ACBD6: variants seen among roughly 807,000 people sequenced by gnomAD.
ACBD6 encodes the protein acyl-CoA binding domain containing 6.
A neutral mutation model predicts 37.2 loss-of-function variants in ACBD6; 28 were observed. The observed-to-expected ratio is 0.75, with a 90% CI of 0.56 to 1.03. The LOEUF (loss-of-function observed/expected upper bound fraction) is 1.03. Ranked by LOEUF, ACBD6 falls within the 50% of genes least tolerant of loss-of-function variation. ACBD6 has a pLI of 0.00. For missense variants in ACBD6, 340 were observed against 337.4 expected (o/e 1.01, Z -0.06); for synonymous variants, 113 against 126.8 (o/e 0.89, Z 0.73).
intron 4 of ACBD6, among the ~76,000 whole-genome samples, chr1:180,421,905 A>C (rs915861062): frequency 6.6e-6 from 1 of 151,930 alleles, no homozygotes; most frequent in Non-Finnish European, 1.5e-5. Flanking sequence ...TGGTGAGAAG[A>C]AGTTGTTTCT....
chr1:180,394,282 G>T (rs1440184125), intron 6 of ACBD6, among the ~76,000 whole-genome samples: 2 of 151,880 alleles, frequency 1.3e-5, no homozygotes, highest in South Asian at 2.1e-4. Flanking sequence ...TGGAGATGGG[G>T]TCTCACTATG....
chr1:180,475,588 T>C (rs914970084), intron 3 of ACBD6, among the ~76,000 whole-genome samples: 1 of 152,136 alleles, frequency 6.6e-6, no homozygotes, highest in South Asian at 2.1e-4. Flanking sequence ...TCTTGCTGTA[T>C]TGCCCAGGCT....
intron 4 of ACBD6, among the ~76,000 whole-genome samples, chr1:180,424,759 G>A (rs991666133): frequency 6.6e-6 from 1 of 152,006 alleles, no homozygotes; most frequent in African/African-American, 2.4e-5. Context: ...AAAAGGAAGA[G>A]GAGAAGAAAA....
intron 2 of ACBD6, among the ~76,000 whole-genome samples, chr1:180,492,574 A>AT (rs990172532): frequency 1.3e-5 from 2 of 152,038 alleles, no homozygotes; most frequent in African/African-American, 4.8e-5. Flanking sequence ...CTTTTCAGAC[A>AT]TTTTTTTTCC....
At chr1:180,469,799 C>T (rs969043876) in intron 3 of ACBD6, among the ~76,000 whole-genome samples, 1 of 152,018 alleles carries the variant, frequency 6.6e-6, no homozygotes, top group South Asian at 2.1e-4. Flanking sequence ...CATTGCATCC[C>T]GTTTATTTTT....
At position 180,271,286 on chromosome 1, in the gene ACBD6, G is replaced by A; in HGVS notation, c.*1939C>T. ...GCGCTGTCCTGCCTACAGCAGGCAG[G>A]CTTAGGTGCAGAAAGGATGGAAGGG... On this transcript the variant is annotated 3_prime_UTR_variant, in exon 14 of 14. Transcript: ENST00000642319. 4.2e-6 allele frequency: 6 copies of A among 1,415,786 alleles called. No homozygotes were observed. The South Asian group carries it at 6.9e-5, about 16-fold the overall frequency. The allele number at this position is 1,415,786 out of a possible 1,614,324, so 87.7% of individuals were successfully genotyped here.
intron 3 of ACBD6, among the ~76,000 whole-genome samples, chr1:180,483,606 A>G (rs1166353227): frequency 6.6e-6 from 1 of 152,182 alleles, no homozygotes; most frequent in African/African-American, 2.4e-5. Context: ...AATACATGGT[A>G]GAAAAAAGAA....
intron 6 of ACBD6, among the ~76,000 whole-genome samples, chr1:180,345,415 A>C (rs1421650348): frequency 6.6e-6 from 1 of 152,184 alleles, no homozygotes; most frequent in Non-Finnish European, 1.5e-5. Context: ...AGTTGTTAGG[A>C]GCATACATTA....
chr1:180,308,779 T>C (rs1650482460), intron 7 of ACBD6, among the ~76,000 whole-genome samples: 1 of 152,160 alleles, frequency 6.6e-6, no homozygotes, highest in South Asian at 2.1e-4. Flanking sequence ...AGTTAGAGTG[T>C]TTGCTCACCC....
At chr1:180,501,919 C>CA (rs1651996551) in intron 1 of ACBD6, 126 bp downstream of exon 1, 8 of 740,682 alleles carry the variant, frequency 1.1e-5, no homozygotes, top group African/African-American at 1.8e-5. Context: ...AAAAAAAAAA[C>CA]AAAACAAAAT....
intron 3 of ACBD6, among the ~76,000 whole-genome samples, chr1:180,449,774 CA>C (rs1299164311): frequency 4.0e-5 from 6 of 151,288 alleles, no homozygotes; most frequent in Admixed American, 6.6e-5. Flanking sequence ...AGGGTGGGGA[CA>C]GGGGGAGGGA....
chr1:180,391,297 AAAAT>A (rs1476565979), intron 6 of ACBD6, among the ~76,000 whole-genome samples: 1 of 152,126 alleles, frequency 6.6e-6, no homozygotes, highest in African/African-American at 2.4e-5. Context: ...AACAACAACA[AAAAT>A]AAATAAGATC....
intron 7 of ACBD6, among the ~76,000 whole-genome samples, chr1:180,304,516 G>A (rs1650269433): frequency 1.3e-5 from 2 of 150,652 alleles, no homozygotes; most frequent in South Asian, 4.3e-4. Context: ...GCTTCAAAGA[G>A]AATAAAATAC....
chr1:180,361,215 T>C (rs1180718344), intron 6 of ACBD6, among the ~76,000 whole-genome samples: 1 of 152,038 alleles, frequency 6.6e-6, no homozygotes, highest in Non-Finnish European at 1.5e-5. Context: ...TAATGCAGTA[T>C]GTCAAGGTTT....
intron 3 of ACBD6, among the ~76,000 whole-genome samples, chr1:180,473,834 CACAT>C (rs894138488): frequency 6.6e-5 from 10 of 152,164 alleles, no homozygotes; most frequent in Admixed American, 2.6e-4. Context: ...TATACACACA[CACAT>C]AAACATACAA....
At chr1:180,464,576 G>T (rs2102047480) in intron 3 of ACBD6, among the ~76,000 whole-genome samples, 1 of 152,240 alleles carries the variant, frequency 6.6e-6, no homozygotes, top group South Asian at 2.1e-4. Flanking sequence ...CTCATGGACA[G>T]GAAGAATCAA....
chr1:180,333,689 C>A (rs947769723), intron 6 of ACBD6, among the ~76,000 whole-genome samples: 4 of 152,056 alleles, frequency 2.6e-5, no homozygotes, highest in African/African-American at 9.7e-5. Flanking sequence ...GTGCAGCGCA[C>A]TGAGCGTGAG....
intron 7 of ACBD6, among the ~76,000 whole-genome samples, chr1:180,295,017 T>TC (rs1483463167): frequency 3.3e-5 from 5 of 152,210 alleles, no homozygotes; most frequent in Admixed American, 3.3e-4. Flanking sequence ...CTCTTTTTTT[T>TC]CTTCCTTGGT....
At chr1:180,460,302 G>A (rs1024471645) in intron 3 of ACBD6, among the ~76,000 whole-genome samples, 1 of 152,142 alleles carries the variant, frequency 6.6e-6, no homozygotes, top group Non-Finnish European at 1.5e-5. Flanking sequence ...CGGCGTAGGG[G>A]CAGGCTGCCA....
Sources: gnomAD v4.1 joint callset for allele counts (sites outside exome capture counted in the v4.1 genomes callset) on GRCh38, gnomAD v4.1.1 for gene constraint, MANE v1.5 for transcripts, NCBI Gene and HGNC (gene_info 2026-07-23, HGNC 2026-07-21) for gene names.